RARS2: variants seen among roughly 807,000 people sequenced by gnomAD.
RARS2 encodes the protein probable arginine--tRNA ligase, mitochondrial.
In RARS2, 67 loss-of-function variants were observed where a neutral mutation model predicts 88.5. That is an observed-to-expected ratio of 0.76 (90% confidence interval 0.62 to 0.93). The LOEUF is 0.93. RARS2 is among the 40% of genes least tolerant of loss of function. RARS2 has a pLI of 0.00. For synonymous variants in RARS2, 239 were observed against 230.3 expected, an observed-to-expected ratio of 1.04 and a Z score of -0.34; for missense variants, 664 against 684.2, an observed-to-expected ratio of 0.97 and a Z score of 0.33.
intron 1 of RARS2, among the ~76,000 whole-genome samples, chr6:87,587,603 A>T (rs1291879374): frequency 6.6e-6 from 1 of 152,202 alleles, no homozygotes; most frequent in Admixed American, 6.5e-5. Flanking sequence ...TCTACAATGT[A>T]TTGATGATGT....
chr6:87,532,743 G>C (rs1404917324), intron 8 of RARS2, among the ~76,000 whole-genome samples: 1 of 152,176 alleles, frequency 6.6e-6, no homozygotes, highest in Admixed American at 6.5e-5. Flanking sequence ...GTGAATCACA[G>C]AATCGGGGGG....
chr6:87,557,706 T>C (rs1011720503), intron 4 of RARS2, among the ~76,000 whole-genome samples: 2 of 152,230 alleles, frequency 1.3e-5, no homozygotes, highest in Admixed American at 6.5e-5. Context: ...ACTCCCTTCT[T>C]GCAACTATCC....
chr6:87,547,334 T>C (rs1782886053), intron 6 of RARS2, among the ~76,000 whole-genome samples: 1 of 152,212 alleles, frequency 6.6e-6, no homozygotes. Context: ...TCAAGAACAG[T>C]AAGAGCTGAC....
At chr6:87,520,939 A>G (rs533351855) in intron 12 of RARS2, among the ~76,000 whole-genome samples, 1 of 152,294 alleles carries the variant, frequency 6.6e-6, no homozygotes, top group East Asian at 1.9e-4. Flanking sequence ...GGTTACATGA[A>G]TCTATACATG....
chr6:87,563,717 C>T (rs1788573365), intron 3 of RARS2, among the ~76,000 whole-genome samples: 1 of 152,230 alleles, frequency 6.6e-6, no homozygotes, highest in South Asian at 2.1e-4. Flanking sequence ...CACCTCTTCT[C>T]TGTAATCATG....
chr6:87,523,458 A>T (rs921239766), intron 11 of RARS2, among the ~76,000 whole-genome samples: 3 of 152,236 alleles, frequency 2.0e-5, no homozygotes, highest in African/African-American at 7.2e-5. Flanking sequence ...ACTGACATTA[A>T]AGCAAAGTGA....
At chr6:87,520,963 T>G in intron 12 of RARS2, among the ~76,000 whole-genome samples, 1 of 152,294 alleles carries the variant, frequency 6.6e-6, no homozygotes, top group East Asian at 1.9e-4. Flanking sequence ...TAAAGTCTCA[T>G]AAAACCATAG....
intron 8 of RARS2, among the ~76,000 whole-genome samples, chr6:87,534,140 C>A (rs1373344952): frequency 6.6e-6 from 1 of 151,842 alleles, no homozygotes; most frequent in Non-Finnish European, 1.5e-5. Flanking sequence ...TAGTTGATTC[C>A]GAACATGAAA....
chr6:87,519,068 C>T, intron 14 of RARS2, 177 bp from the exon 15 acceptor site: 1 of 645,118 alleles, frequency 1.6e-6, no homozygotes, highest in East Asian at 2.8e-5. Context: ...CCCCTGCCTA[C>T]ATTAAAGGGA....
At chr6:87,555,064 A>T (rs938531015) in intron 5 of RARS2, among the ~76,000 whole-genome samples, 12 of 151,778 alleles carry the variant, frequency 7.9e-5, no homozygotes, top group Non-Finnish European at 1.5e-4. Context: ...AGATCTCGCC[A>T]CTCCAGCCTG....
chr6:87,539,034 A>T (rs1459600699), intron 8 of RARS2, among the ~76,000 whole-genome samples: 1 of 151,116 alleles, frequency 6.6e-6, no homozygotes, highest in Non-Finnish European at 1.5e-5. Context: ...ATCCTGTCTC[A>T]CATAAATAAA....
intron 1 of RARS2, among the ~76,000 whole-genome samples, chr6:87,572,815 T>G (rs1349585344): frequency 6.6e-6 from 1 of 152,140 alleles, no homozygotes; most frequent in East Asian, 1.9e-4. Flanking sequence ...GAGGTATAAA[T>G]TTATACCAGA....
chr6:87,574,677 C>T (rs1174025545), intron 1 of RARS2, among the ~76,000 whole-genome samples: 2 of 152,028 alleles, frequency 1.3e-5, no homozygotes, highest in African/African-American at 4.8e-5. Flanking sequence ...AAATGTAACC[C>T]AATGAATACG....
intron 7 of RARS2, 136 bp downstream of exon 7, chr6:87,545,480 T>C: frequency 1.9e-6 from 2 of 1,063,452 alleles, no homozygotes; most frequent in Non-Finnish European, 2.7e-6. Flanking sequence ...AAAAGAGCCA[T>C]TAGGGAAAAA....
At chr6:87,533,894 T>TG (rs1382129817) in intron 8 of RARS2, among the ~76,000 whole-genome samples, 2 of 152,176 alleles carry the variant, frequency 1.3e-5, no homozygotes, top group Non-Finnish European at 2.9e-5. Flanking sequence ...CTCCTTGATG[T>TG]GGGGCTCTAA....
At chr6:87,524,299 G>C (rs1184688082) in intron 11 of RARS2, among the ~76,000 whole-genome samples, 1 of 152,088 alleles carries the variant, frequency 6.6e-6, no homozygotes, top group Non-Finnish European at 1.5e-5. Flanking sequence ...AATGAGTTCT[G>C]GTATTTATGT....
chr6:87,572,102 A>G (rs1013138967), intron 1 of RARS2, among the ~76,000 whole-genome samples: 2 of 152,104 alleles, frequency 1.3e-5, no homozygotes, highest in Non-Finnish European at 2.9e-5. Flanking sequence ...TCTCAGAAAA[A>G]AAAAAAAAAG....
intron 14 of RARS2, chr6:87,519,208 G>GTA (rs1173189465): frequency 3.4e-4 from 88 of 257,582 alleles, no homozygotes; most frequent in East Asian, 1.5e-3. Context: ...GTGTGTGTGT[G>GTA]TATATATATA....
Position 87,564,367 on chromosome 6 carries a change from A to C in RARS2, c.111-135T>G, listed in dbSNP as rs541119596. Reference sequence around the variant, plus strand: ...AGGTGTTATGTGTACTTTCAAAATTAAAAGCAAGGGGGCCGAGAGCGGTGG... The same window carrying C: ...AGGTGTTATGTGTACTTTCAAAATTCAAAGCAAGGGGGCCGAGAGCGGTGG... On this transcript the variant is annotated intron_variant, in intron 2 of 19. Transcript: ENST00000369536. 73 of 739,682 alleles carry C rather than the reference A, an allele frequency of 9.9e-5. No individual in the cohort carries two copies. In the African/African-American group the frequency reaches 1.2e-3, roughly 12 times the overall value. The allele number at this position is 739,682 out of a possible 1,614,324, so 45.8% of individuals were successfully genotyped here.
Sources: gnomAD v4.1 joint callset for allele counts (sites outside exome capture counted in the v4.1 genomes callset) on GRCh38, gnomAD v4.1.1 for gene constraint, MANE v1.5 for transcripts, NCBI Gene and HGNC (gene_info 2026-07-23, HGNC 2026-07-21) for gene names.